The following CNTN3 variants were observed in gnomAD, a reference collection of about 807,000 sequenced individuals.
The protein encoded by CNTN3 is contactin-3.
A neutral mutation model predicts 119.1 loss-of-function variants in CNTN3; 60 were observed. That is an observed-to-expected ratio of 0.50 (90% CI 0.41 to 0.62). The LOEUF (loss-of-function observed/expected upper bound fraction) is 0.62. Ranked by LOEUF, CNTN3 falls within the 20% of genes least tolerant of loss-of-function variation. The pLI is 0.00. For synonymous variants in CNTN3, 450 were observed against 438.7 expected (o/e 1.03, Z -0.32); for missense variants, 1,101 against 1,242.4 (o/e 0.89, Z 1.71).
chr3:74,337,380 T>A (rs1703423302), intron 11 of CNTN3, among the ~76,000 whole-genome samples: 2 of 152,124 alleles, frequency 1.3e-5, no homozygotes, highest in Non-Finnish European at 2.9e-5. Context: ...CTTCATGGAA[T>A]AATATTCCAG....
chr3:74,528,407 C>T (rs575672200), intron 1 of CNTN3, among the ~76,000 whole-genome samples: 110 of 151,934 alleles, frequency 7.2e-4, no homozygotes, highest in African/African-American at 2.4e-3. Flanking sequence ...TATGGAGTGC[C>T]CATTATGTGC....
chr3:74,319,828 A>C (rs922240746), intron 13 of CNTN3, among the ~76,000 whole-genome samples: 4 of 151,788 alleles, frequency 2.6e-5, no homozygotes, highest in South Asian at 2.1e-4. Flanking sequence ...AAAAAAAAAA[A>C]CAAACAACCC....
chr3:74,451,415 C>G (rs1271146198), intron 4 of CNTN3, among the ~76,000 whole-genome samples: 2 of 151,968 alleles, frequency 1.3e-5, no homozygotes, highest in Non-Finnish European at 2.9e-5. Context: ...TGGATATTAG[C>G]CCTTTGTCAG....
At chr3:74,364,635 T>C (rs1364123607) in intron 9 of CNTN3, 39 bp from the exon 10 acceptor site, 6 of 1,522,930 alleles carry the variant, frequency 3.9e-6, no homozygotes, top group Non-Finnish European at 5.4e-6. Flanking sequence ...TAAACAAACA[T>C]ACCACTTTAG....
intron 1 of CNTN3, among the ~76,000 whole-genome samples, chr3:74,568,859 T>C (rs936944664): frequency 6.6e-6 from 1 of 152,214 alleles, no homozygotes; most frequent in Non-Finnish European, 1.5e-5. Flanking sequence ...ATTGGTGAGT[T>C]GTCTTGGAGT....
chr3:74,540,343 C>A (rs999239540), intron 1 of CNTN3, among the ~76,000 whole-genome samples: 4 of 152,102 alleles, frequency 2.6e-5, no homozygotes, highest in Non-Finnish European at 5.9e-5. Flanking sequence ...GTTAATATTT[C>A]TTTCCACACC....
chr3:74,492,381 C>T (rs1702980516), intron 3 of CNTN3, among the ~76,000 whole-genome samples: 1 of 152,100 alleles, frequency 6.6e-6, no homozygotes, highest in Non-Finnish European at 1.5e-5. Flanking sequence ...TGATCAATCC[C>T]CTTCTTTTAA....
At chr3:74,364,296 T>C (rs1704140559) in intron 10 of CNTN3, among the ~76,000 whole-genome samples, 171 bp downstream of exon 10, 1 of 152,128 alleles carries the variant, frequency 6.6e-6, no homozygotes, top group Admixed American at 6.6e-5. Context: ...TGTTTTTCCT[T>C]AGAAACTGTT....
At chr3:74,313,096 G>C (rs1014706350) in intron 13 of CNTN3, among the ~76,000 whole-genome samples, 17 of 151,332 alleles carry the variant, frequency 1.1e-4, no homozygotes, top group African/African-American at 3.9e-4. Context: ...AAAAATTTCT[G>C]AGCTCAATGA....
chr3:74,586,748 G>A (rs767562816), intron 1 of CNTN3, among the ~76,000 whole-genome samples: 22 of 151,892 alleles, frequency 1.4e-4, no homozygotes, highest in Non-Finnish European at 2.1e-4. Flanking sequence ...GTTAGTACAC[G>A]TTATCTACTA....
At chr3:74,365,985 T>C (rs1704177218) in intron 8 of CNTN3, among the ~76,000 whole-genome samples, 1 of 152,142 alleles carries the variant, frequency 6.6e-6, no homozygotes, top group South Asian at 2.1e-4. Flanking sequence ...CTGTACTATA[T>C]TATTTAGATA....
At chr3:74,574,857 G>C (rs1704388714) in intron 1 of CNTN3, among the ~76,000 whole-genome samples, 2 of 151,990 alleles carry the variant, frequency 1.3e-5, no homozygotes, top group Admixed American at 6.6e-5. Flanking sequence ...AAGTGAAGAT[G>C]GGATGTTAGA....
intron 2 of CNTN3, among the ~76,000 whole-genome samples, chr3:74,515,371 T>C (rs1703433267): frequency 6.6e-6 from 1 of 152,026 alleles, no homozygotes; most frequent in African/African-American, 2.4e-5. Context: ...TGGCAACTGA[T>C]AATCATGAGG....
intron 1 of CNTN3, among the ~76,000 whole-genome samples, chr3:74,553,678 A>G (rs1704027093): frequency 6.6e-6 from 1 of 150,810 alleles, no homozygotes; most frequent in African/African-American, 2.4e-5. Flanking sequence ...GCATTTCTCC[A>G]TTTTTTCATA....
At chr3:74,486,395 C>A (rs1702859377) in intron 4 of CNTN3, 61 bp downstream of exon 4, 1 of 1,450,090 alleles carries the variant, frequency 6.9e-7, no homozygotes, top group Non-Finnish European at 9.4e-7. Context: ...AAAACGACTA[C>A]ACAAATTAAG....
intron 4 of CNTN3, among the ~76,000 whole-genome samples, chr3:74,435,927 T>C (rs1701858382): frequency 6.6e-6 from 1 of 152,184 alleles, no homozygotes; most frequent in South Asian, 2.1e-4. Context: ...ATCTATCCTC[T>C]ACACACAGAG....
At chr3:74,291,785 A>T (rs2106796001) in intron 19 of CNTN3, among the ~76,000 whole-genome samples, 1 of 152,234 alleles carries the variant, frequency 6.6e-6, no homozygotes, top group South Asian at 2.1e-4. Flanking sequence ...CCCTTCCCAA[A>T]GCCCCCAAGA....
At chr3:74,394,634 A>T (rs1314534936) in intron 5 of CNTN3, among the ~76,000 whole-genome samples, 2 of 152,318 alleles carry the variant, frequency 1.3e-5, no homozygotes, top group East Asian at 3.9e-4. Flanking sequence ...GATACATAGA[A>T]TTTTTCAAAT....
chr3:74,607,269 C>T lies in CNTN3; in HGVS notation c.-81+7122G>A, dbSNP rs564071129. On this transcript the variant is annotated intron_variant, in intron 1 of 22. Coordinates refer to ENST00000263665, the MANE Select transcript of CNTN3 (RefSeq NM_020872.3). The stretch of plus-strand genomic sequence containing the variant: ...TTAGTAATTGGTAATCAGCAACTTT[C>T]GGCTACTTTACATTCAGGGAGGCGG... Among the ~76,000 whole-genome samples, 286 of 152,204 alleles carry T rather than the reference C, an allele frequency of 1.9e-3. 3 individuals carry two copies. Among genetic ancestry groups the T allele is most frequent in the South Asian group, 0.01 (50 of 4,822 alleles).
Sources: allele counts gnomAD v4.1 joint callset (sites outside exome capture counted in the v4.1 genomes callset), GRCh38; gene constraint gnomAD v4.1.1; transcripts MANE v1.5; gene names NCBI Gene and HGNC (gene_info 2026-07-23, HGNC 2026-07-21).